ACTRT1: variants seen among roughly 807,000 people sequenced by gnomAD.
The protein encoded by ACTRT1 is actin-related protein T1.
In ACTRT1, 1 loss-of-function variant was observed where a neutral mutation model predicts 1.4. The ratio of observed to expected loss-of-function variants is 0.69; its 90% confidence interval spans 0.25 to 3.28. The LOEUF is 3.28. Among genes scored for constraint, ACTRT1 ranks in the 30% most tolerant of loss-of-function variants. The pLI, the probability that ACTRT1 is intolerant of heterozygous loss-of-function variation, is 0.20. For missense variants in ACTRT1, 334 were observed against 291.5 expected (o/e 1.15, Z -1.06); for synonymous variants, 121 against 115.2 (o/e 1.05, Z -0.32).
rs749902150 is a variant in ACTRT1, at chrX:128,051,516, G to T, written c.691C>A (p.Arg231Ser). 6.5e-5 allele frequency: 78 copies of T among 1,208,499 alleles called. No individual in the cohort carries two copies. Among genetic ancestry groups the T allele is most frequent in the Non-Finnish European group, 8.4e-5 (75 of 894,913 alleles). The change falls in exon 1 of 1, where the codon CGC becomes AGC. Residue 231 changes from arginine (R) to serine (S), a missense_variant. Physicochemically the swap from Arg to Ser is moderately radical, Grantham distance 110. Coordinates refer to ENST00000371124, the MANE Select transcript of ACTRT1 (RefSeq NM_138289.4). ...CCCAGGACCTCTCCCCGGCTCTTGCGTAGCTCTTTCTCTGGCTCCAAGGCG... is the reference window on the plus strand; with the variant it reads ...CCCAGGACCTCTCCCCGGCTCTTGCTTAGCTCTTTCTCTGGCTCCAAGGCG... ...YIALEPEKELRKSRGEVLGAY... is the reference protein window; with the variant it reads ...YIALEPEKELSKSRGEVLGAY...
At position 128,051,472 on chromosome X, in the gene ACTRT1, A is replaced by G. The variant is rs147296412; in HGVS notation, c.735T>C (p.Asp245=). The change falls in exon 1 of 1, where the codon GAT becomes GAC. Residue 245 remains aspartate (D), a synonymous_variant. Transcript: ENST00000371124. The stretch of plus-strand genomic sequence containing the variant: ...CATCCCCAAAGTGGATGACATGTCC[A>G]TCTGGCAGTCTGTATGCTCCCAGGA... ...GEVLGAYRLP[D]GHVIHFGDEL... The G allele has an allele frequency of 2.0e-5, 24 of 1,208,572 alleles. No individual in the cohort carries two copies. The highest frequency in any genetic ancestry group is 2.0e-5 in the Non-Finnish European group (18 of 894,946).
rs367847967 is a variant in ACTRT1, at chrX:128,051,626, C to T, written c.581G>A (p.Arg194Gln). 1.5e-5 allele frequency: 18 copies of T among 1,210,932 alleles called. No individual in the cohort carries two copies. Among genetic ancestry groups the T allele is most frequent in the Admixed American group, 1.3e-4 (6 of 45,961 alleles). ...GTTAAACCCGCTAGCAAAGAGGAGC[C>T]GGGTGAGGTGCTCTGTGATGTCCCT... ...AGRDITEHLTRLLFASGFNFP... is the reference protein window; with the variant it reads ...AGRDITEHLTQLLFASGFNFP... The change falls in exon 1 of 1, where the codon CGG becomes CAG. Residue 194 changes from arginine to glutamine, a missense_variant. By Grantham distance (43) the Arg-to-Gln change is conservative (BLOSUM62 1). Transcript: ENST00000371124.
chrX:128,052,112 C>T lies in ACTRT1; in HGVS notation c.95G>A (p.Arg32His), dbSNP rs185459023. ...KAGLSGEIGP[R>H]HVISSVLGHC... Reference sequence around the variant, plus strand: ...TCCCAAGACGGAGCTGATGACATGGCGGGGTCCAATCTCTCCAGACAGGCC... The same window carrying T: ...TCCCAAGACGGAGCTGATGACATGGTGGGGTCCAATCTCTCCAGACAGGCC... The change falls in exon 1 of 1, where the codon CGC becomes CAC. Residue 32 changes from arginine (R) to histidine (H), a missense_variant. Transcript: ENST00000371124. 18 of 1,209,952 alleles carry T rather than the reference C, an allele frequency of 1.5e-5. No homozygotes were observed. In the East Asian group the frequency reaches 2.1e-4, roughly 14 times the overall value.
rs140288728 is a variant in ACTRT1, at chrX:128,051,679, G to A, written c.528C>T (p.His176=). The change falls in exon 1 of 1, where the codon CAC becomes CAT. Residue 176 remains histidine, a synonymous_variant. Coordinates refer to ENST00000371124, the MANE Select transcript of ACTRT1 (RefSeq NM_138289.4). ...VPIFEGYSLP[H]AVTKLCMAGR... ...CTGCCATACAGAGTTTGGTGACTGC[G>A]TGAGGCAGGGAGTAACCCTCAAAGA... The A allele has an allele frequency of 9.9e-6, 12 of 1,209,169 alleles. No individual in the cohort carries two copies. The highest frequency in any genetic ancestry group is 2.2e-5 in the Admixed American group (1 of 45,664).
chrX:128,051,735 T>C lies in ACTRT1; in HGVS notation c.472A>G (p.Ser158Gly), dbSNP rs1927771652. The C allele has an allele frequency of 8.3e-7, 1 of 1,211,352 alleles. No homozygotes were observed. The highest frequency in any genetic ancestry group is 1.7e-5 in the African/African-American group (1 of 57,694). ...SACVTGLVVD[S>G]GDGVTCTVPI... ...ACAGTGCAAGTGACCCCATCTCCAC[T>C]GTCCACCACCAGGCCTGTGACACAG... The change falls in exon 1 of 1, where the codon AGT (serine) becomes GGT (glycine). Residue 158 changes from serine (S) to glycine (G), a missense_variant. Transcript: ENST00000371124.
Position 128,051,540 on chromosome X carries a change from C to T in ACTRT1, c.667G>A (p.Ala223Thr), listed in dbSNP as rs148603135. Residue 223 changes from alanine to threonine, a missense_variant, in exon 1 of 1, where the codon GCC (alanine) becomes ACC (threonine). Physicochemically the swap from Ala to Thr is moderately conservative, Grantham distance 58. Transcript: ENST00000371124. Reference sequence around the variant, plus strand: ...CGTAGCTCTTTCTCTGGCTCCAAGGCGATGTAGCACAACTTCTCTTTGATG... The same window carrying T: ...CGTAGCTCTTTCTCTGGCTCCAAGGTGATGTAGCACAACTTCTCTTTGATG... The part of the protein sequence containing the change: ...NNIKEKLCYI[A>T]LEPEKELRKS... The T allele has an allele frequency of 1.0e-4, 124 of 1,208,790 alleles. No homozygotes were observed. The African/African-American group carries it at 1.4e-3, about 14-fold the overall frequency.
At position 128,052,005 on chromosome X, in the gene ACTRT1, G is replaced by C. The variant is rs1172450074; in HGVS notation, c.202C>G (p.Leu68Val). 2.5e-6 allele frequency: 3 copies of C among 1,211,412 alleles called. No homozygotes were observed. The East Asian group carries it at 8.9e-5, about 36-fold the overall frequency. ...CGCTCAATGGGGTAGTGCAAATGTA[G>C]GGCCTCATACTTGTACAGGGCTTCT... ...GQEALYKYEA[L>V]HLHYPIERGL... The change falls in exon 1 of 1, where the codon CTA (leucine) becomes GTA (valine). Residue 68 changes from leucine to valine, a missense_variant. By Grantham distance (32) the Leu-to-Val change is conservative. Coordinates refer to ENST00000371124, the MANE Select transcript of ACTRT1 (RefSeq NM_138289.4).
At position 128,051,242 on chromosome X, in the gene ACTRT1, G is replaced by T. The variant is rs752346959; in HGVS notation, c.965C>A (p.Ala322Asp). 8.3e-7 allele frequency: 1 copy of T among 1,208,293 alleles called. No individual in the cohort carries two copies. The highest frequency in any genetic ancestry group is 1.1e-6 in the Non-Finnish European group (1 of 894,944). Residue 322 changes from alanine (A) to aspartate (D), a missense_variant, in exon 1 of 1, where the codon GCT (alanine) becomes GAT (aspartate). Physicochemically the swap from Ala to Asp is moderately radical, Grantham distance 126. Coordinates refer to ENST00000371124, the MANE Select transcript of ACTRT1 (RefSeq NM_138289.4). ...ERLMKEVEQL[A>D]SKGTPIKITA... ...GATCTTGATGGGAGTACCTTTGGAAGCCAGCTGTTCCACTTCCTTCATGAG... is the reference window on the plus strand; with the variant it reads ...GATCTTGATGGGAGTACCTTTGGAATCCAGCTGTTCCACTTCCTTCATGAG...
rs1412539490 is a variant in ACTRT1 at position 128,051,431 on chromosome X, G to A, written c.776C>T (p.Pro259Leu). Residue 259 changes from proline (P) to leucine (L), a missense_variant, in exon 1 of 1, where the codon CCC (proline) becomes CTC (leucine). Coordinates refer to ENST00000371124, the MANE Select transcript of ACTRT1 (RefSeq NM_138289.4). The part of the protein sequence containing the change: ...IHFGDELYQV[P>L]EVLFAPDQLG... ...CTGGTCAGGTGCAAAAAGAACCTCG[G>A]GCACTTGGTACAGCTCATCCCCAAA... The A allele has an allele frequency of 8.3e-7, 1 of 1,210,816 alleles. No individual in the cohort carries two copies. The highest frequency in any genetic ancestry group is 1.1e-6 in the Non-Finnish European group (1 of 895,360).
chrX:128,052,289 A>G lies in ACTRT1; in HGVS notation c.-83T>C. Reference sequence around the variant, plus strand: ...CTCTGAGATGACAGGCACCTTTAGAATTTTTTAAACTTCAGGGTTCTGAAG... The same window carrying G: ...CTCTGAGATGACAGGCACCTTTAGAGTTTTTTAAACTTCAGGGTTCTGAAG... On this transcript the variant is annotated 5_prime_UTR_variant, in exon 1 of 1. Coordinates refer to ENST00000371124, the MANE Select transcript of ACTRT1 (RefSeq NM_138289.4). 1 of 1,070,090 alleles carries G rather than the reference A, an allele frequency of 9.3e-7. No individual in the cohort carries two copies. The highest frequency in any genetic ancestry group is 1.2e-6 in the Non-Finnish European group (1 of 802,190). The allele number at this position is 1,070,090 out of a possible 1,213,427, so 88.2% of individuals were successfully genotyped here.
Sources: gnomAD v4.1 joint callset for allele counts on GRCh38, gnomAD v4.1.1 for gene constraint, MANE v1.5 for transcripts, NCBI Gene and HGNC (gene_info 2026-07-23, HGNC 2026-07-21) for gene names.